Variants in COL27A1 observed in about 807,000 individuals in gnomAD.
COL27A1 encodes collagen type XXVII alpha 1 chain, also known as collagen alpha-1(XXVII) chain.
A neutral mutation model predicts 251.3 loss-of-function variants in COL27A1; 106 were observed. The observed-to-expected ratio is 0.42, with a 90% CI of 0.36 to 0.50. The LOEUF is 0.50. COL27A1 is among the 20% of genes least tolerant of loss of function. The pLI is 0.00. For synonymous variants in COL27A1, 1,000 were observed against 986.3 expected (o/e 1.01, Z -0.26); for missense variants, 2,325 against 2,522.8 (o/e 0.92, Z 1.68).
At chr9:114,200,525 G>A (rs939945675) in intron 7 of COL27A1, among the ~76,000 whole-genome samples, 1 of 152,216 alleles carries the variant, frequency 6.6e-6, no homozygotes, top group African/African-American at 2.4e-5. Flanking sequence ...GAATGAATGA[G>A]CCATGCAGAA....
intron 7 of COL27A1, among the ~76,000 whole-genome samples, chr9:114,203,550 C>G (rs1007042523): frequency 4.6e-5 from 7 of 152,164 alleles, no homozygotes; most frequent in African/African-American, 9.7e-5. Flanking sequence ...CACGCCCCAG[C>G]TAGAAGAATC....
At position 114,162,751 on chromosome 9, in the gene COL27A1, C is replaced by A; in HGVS notation, c.99C>A (p.Ala33=). The A allele has an allele frequency of 6.2e-7, 1 of 1,613,210 alleles. No homozygotes were observed. Among genetic ancestry groups the A allele is most frequent in the East Asian group, 2.2e-5 (1 of 44,782 alleles). ...TCTCCTGGATCTTAGTCTCGTTTGC[C>A]TGTCACCTGGCCTCCACCCAAGGAG... ...FLFSWILVSF[A]CHLASTQGAP... Residue 33 remains alanine, a synonymous_variant, in exon 2 of 61, where the codon GCC becomes GCA. Coordinates refer to ENST00000356083, the MANE Select transcript of COL27A1 (RefSeq NM_032888.4).
rs377466100 is a variant in COL27A1, at chr9:114,283,790, C to G, written c.3933+28C>G. 1.9e-5 allele frequency: 30 copies of G among 1,612,262 alleles called. No homozygotes were observed. The South Asian group carries it at 2.2e-4, about 12-fold the overall frequency. On this transcript the variant is annotated intron_variant, in intron 40 of 60. Transcript: ENST00000356083. ...AAGCAGATATCACCTCACCCCACCC[C>G]CCGACTCTGTCCTGCAGGCCTGGAA...
In COL27A1 at chr9:114,304,655, T is replaced by C; in HGVS notation, c.4920T>C (p.Ser1640=). The C allele has an allele frequency of 1.2e-6, 2 of 1,614,114 alleles. No homozygotes were observed. The highest frequency in any genetic ancestry group is 1.3e-5 in the African/African-American group (1 of 75,040). Residue 1640 remains serine, a synonymous_variant, in exon 57 of 61, where the codon AGT becomes AGC. Transcript: ENST00000356083. The part of the protein sequence containing the change: ...GAAFQTWMDT[S]GALRPESYSY... Reference sequence around the variant, plus strand: ...CTTTCCAGACGTGGATGGACACCAGTGGAGCACTCAGGCCAGAGGTATCTC... The same window carrying C: ...CTTTCCAGACGTGGATGGACACCAGCGGAGCACTCAGGCCAGAGGTATCTC...
At chr9:114,271,222 G>T in intron 36 of COL27A1, 1 of 161,664 alleles carries the variant, frequency 6.2e-6, no homozygotes, top group Non-Finnish European at 1.3e-5. Context: ...ACAACGCTAA[G>T]CCCTTTACCA....
At chr9:114,269,634 A>AG (rs1554821421) in intron 35 of COL27A1, among the ~76,000 whole-genome samples, 4 of 114,386 alleles carry the variant, frequency 3.5e-5, no homozygotes, top group Non-Finnish European at 5.0e-5. Flanking sequence ...AAAAAAAAAA[A>AG]AAGAAGAAGA....
At chr9:114,270,455 C>T (rs959274685) in intron 35 of COL27A1, among the ~76,000 whole-genome samples, 15 of 152,344 alleles carry the variant, frequency 9.8e-5, no homozygotes, top group Non-Finnish European at 1.9e-4. Flanking sequence ...ATGTAGCCCC[C>T]ACCCCACGTC....
intron 12 of COL27A1, among the ~76,000 whole-genome samples, chr9:114,211,352 G>A (rs893308792): frequency 7.2e-5 from 11 of 152,192 alleles, no homozygotes; most frequent in Admixed American, 2.0e-4. Context: ...CTGTGACCGG[G>A]GGACCTTGGC....
chr9:114,172,615 G>A (rs1360991068), intron 3 of COL27A1, among the ~76,000 whole-genome samples: 1 of 152,164 alleles, frequency 6.6e-6, no homozygotes, highest in African/African-American at 2.4e-5. Context: ...CCAACATGGT[G>A]AAACCCTGTC....
At chr9:114,254,516 TG>T in intron 27 of COL27A1, among the ~76,000 whole-genome samples, 1 of 151,234 alleles carries the variant, frequency 6.6e-6, no homozygotes, top group East Asian at 2.0e-4. Flanking sequence ...CAGTCCGAGG[TG>T]GGCTTGGGGA....
At chr9:114,159,592 G>A (rs956453891) in intron 1 of COL27A1, among the ~76,000 whole-genome samples, 6 of 152,188 alleles carry the variant, frequency 3.9e-5, no homozygotes, top group Non-Finnish European at 8.8e-5. Flanking sequence ...TCTAAATTTG[G>A]GGACTGCTGA....
intron 34 of COL27A1, chr9:114,269,000 A>ATGGTGT (rs71492772): frequency 0.45 from 216,557 of 481,424 alleles, 54,663 homozygotes; most frequent in African/African-American, 0.82. Context: ...TAATAGGATG[A>ATGGTGT]TGGTGTTGGT....
At chr9:114,253,974 T>C (rs1833753782) in intron 27 of COL27A1, among the ~76,000 whole-genome samples, 1 of 152,132 alleles carries the variant, frequency 6.6e-6, no homozygotes, top group South Asian at 2.1e-4. Flanking sequence ...GCCTCCCTAG[T>C]AGCTGGGATC....
chr9:114,202,030 G>T (rs573158432), intron 7 of COL27A1, among the ~76,000 whole-genome samples: 2 of 152,290 alleles, frequency 1.3e-5, no homozygotes, highest in African/African-American at 2.4e-5. Context: ...GGTAATTTCT[G>T]CCTCCTAGGA....
At chr9:114,157,877 A>T (rs193043650) in intron 1 of COL27A1, among the ~76,000 whole-genome samples, 2 of 152,212 alleles carry the variant, frequency 1.3e-5, no homozygotes, top group African/African-American at 4.8e-5. Flanking sequence ...TTTTGTGAAG[A>T]TGAACAGGAC....
In COL27A1 at chr9:114,300,633, T is replaced by C. The variant is rs2131661128; in HGVS notation, c.4647T>C (p.Pro1549=). The change falls in exon 51 of 61, where the codon CCT becomes CCC. Residue 1549 remains proline (P), a synonymous_variant. Transcript: ENST00000356083. ...MAGLFGPKGP[P]GDIGFKGIQG... is the part of the protein sequence containing the mutation. ...TTCTCTGCCTCCCACAGGGCCCGCC[T>C]GGAGACATTGGCTTCAAAGGCATCC... The C allele has an allele frequency of 1.3e-6, 2 of 1,535,620 alleles. No homozygotes were observed. Among genetic ancestry groups the C allele is most frequent in the East Asian group, 2.4e-5 (1 of 41,710 alleles).
At chr9:114,255,697 C>T (rs991419209) in intron 27 of COL27A1, among the ~76,000 whole-genome samples, 3 of 152,186 alleles carry the variant, frequency 2.0e-5, no homozygotes, top group African/African-American at 7.2e-5. Context: ...ACTGCTGTTT[C>T]TGATCCCAAG....
At chr9:114,230,561 C>A (rs1400440535) in intron 14 of COL27A1, among the ~76,000 whole-genome samples, 2 of 152,158 alleles carry the variant, frequency 1.3e-5, no homozygotes, top group Non-Finnish European at 2.9e-5. Flanking sequence ...CCCACAGGGT[C>A]CACCATCAAC....
chr9:114,186,599 A>G (rs892273987), intron 5 of COL27A1, among the ~76,000 whole-genome samples: 1 of 152,214 alleles, frequency 6.6e-6, no homozygotes, highest in Non-Finnish European at 1.5e-5. Context: ...AGGTTGAACC[A>G]AGGTCTAAAG....
Sources: gnomAD v4.1 joint callset for allele counts (sites outside exome capture counted in the v4.1 genomes callset) on GRCh38, gnomAD v4.1.1 for gene constraint, MANE v1.5 for transcripts, NCBI Gene and HGNC (gene_info 2026-07-23, HGNC 2026-07-21) for gene names.